Variants in CADM2 observed in about 807,000 individuals in gnomAD.
The protein encoded by CADM2 is cell adhesion molecule 2.
CADM2 carries 12 observed loss-of-function variants against 49.8 expected under a neutral mutation model. The ratio of observed to expected loss-of-function variants is 0.24; its 90% confidence interval spans 0.15 to 0.39. The LOEUF (loss-of-function observed/expected upper bound fraction) is 0.39. Among genes scored for constraint, CADM2 ranks in the 10% least tolerant of loss-of-function variants. The pLI, the probability that CADM2 is intolerant of heterozygous loss-of-function variation, is 1.00. For synonymous variants in CADM2, 214 were observed against 175.4 expected (o/e 1.22, Z -1.74); for missense variants, 378 against 492.3 (o/e 0.77, Z 2.20).
intron 1 of CADM2, among the ~76,000 whole-genome samples, chr3:85,404,481 C>T (rs1332519415): frequency 6.6e-6 from 1 of 151,946 alleles, no homozygotes; most frequent in East Asian, 1.9e-4. Context: ...TTTTCATAGC[C>T]TATGGTGGAA....
At chr3:85,944,700 C>A (rs1401176306) in intron 7 of CADM2, among the ~76,000 whole-genome samples, 1 of 151,918 alleles carries the variant, frequency 6.6e-6, no homozygotes, top group East Asian at 1.9e-4. Context: ...GAAATGAAGG[C>A]AGAAATAAAG....
At chr3:85,210,808 G>A (rs989337545) in intron 1 of CADM2, among the ~76,000 whole-genome samples, 1 of 152,122 alleles carries the variant, frequency 6.6e-6, no homozygotes, top group African/African-American at 2.4e-5. Flanking sequence ...TCCTAGAGTA[G>A]AAGATTACAG....
chr3:85,616,579 T>A (rs1316156371), intron 1 of CADM2, among the ~76,000 whole-genome samples: 1 of 152,136 alleles, frequency 6.6e-6, no homozygotes, highest in Non-Finnish European at 1.5e-5. Flanking sequence ...ACACAAAGTA[T>A]AACATATAAT....
At chr3:85,417,072 A>T (rs980776309) in intron 1 of CADM2, among the ~76,000 whole-genome samples, 1 of 152,092 alleles carries the variant, frequency 6.6e-6, no homozygotes, top group Non-Finnish European at 1.5e-5. Context: ...AAAATGTTCA[A>T]TTATGTAGCT....
intron 3 of CADM2, among the ~76,000 whole-genome samples, chr3:85,811,493 G>A (rs532397413): frequency 2.6e-4 from 40 of 152,102 alleles, no homozygotes; most frequent in African/African-American, 8.9e-4. Flanking sequence ...TGCAGTTATC[G>A]CAGCTCACTG....
chr3:85,107,922 G>A (rs6804768), intron 1 of CADM2, among the ~76,000 whole-genome samples: 1,780 of 151,770 alleles, frequency 0.012, 35 homozygotes, highest in African/African-American at 0.04. Context: ...GGCTGGTCTC[G>A]AACTCCTGAC....
intron 6 of CADM2, among the ~76,000 whole-genome samples, chr3:85,914,327 A>G (rs541965096): frequency 1.3e-5 from 2 of 152,096 alleles, no homozygotes; most frequent in Non-Finnish European, 2.9e-5. Context: ...TCCTGTGAGG[A>G]TGTGATGATA....
At chr3:85,172,588 T>A (rs1270251510) in intron 1 of CADM2, among the ~76,000 whole-genome samples, 1 of 151,964 alleles carries the variant, frequency 6.6e-6, no homozygotes, top group East Asian at 1.9e-4. Context: ...AAGCGTAGGA[T>A]GTGCAAGAAT....
At chr3:85,554,030 A>C (rs1431020168) in intron 1 of CADM2, among the ~76,000 whole-genome samples, 7 of 151,306 alleles carry the variant, frequency 4.6e-5, no homozygotes, top group Non-Finnish European at 4.4e-5. Context: ...AATTAATACT[A>C]CCCATGTTCC....
At chr3:85,892,510 A>C (rs1714592680) in intron 5 of CADM2, among the ~76,000 whole-genome samples, 1 of 152,084 alleles carries the variant, frequency 6.6e-6, no homozygotes, top group Non-Finnish European at 1.5e-5. Context: ...TGCTGTTCCC[A>C]TAATAGTGAA....
At chr3:85,231,626 T>C (rs1228752593) in intron 1 of CADM2, among the ~76,000 whole-genome samples, 1 of 151,336 alleles carries the variant, frequency 6.6e-6, no homozygotes, top group Non-Finnish European at 1.5e-5. Context: ...GAGATATAGA[T>C]GGATAGTTTT....
intron 2 of CADM2, among the ~76,000 whole-genome samples, chr3:85,778,882 A>G (rs1034280157): frequency 6.6e-6 from 1 of 152,156 alleles, no homozygotes; most frequent in African/African-American, 2.4e-5. Context: ...AATTTTAAAG[A>G]CACACTCTTC....
At chr3:85,477,259 CACACACACACACAT>C (rs1427581976) in intron 1 of CADM2, among the ~76,000 whole-genome samples, 1 of 150,736 alleles carries the variant, frequency 6.6e-6, no homozygotes, top group Non-Finnish European at 1.5e-5. Flanking sequence ...CACACACACA[CACACACACACACAT>C]ACAGACACGT....
intron 8 of CADM2, among the ~76,000 whole-genome samples, chr3:85,998,473 A>C (rs1559791263): frequency 6.6e-6 from 1 of 152,212 alleles, no homozygotes; most frequent in Non-Finnish European, 1.5e-5. Flanking sequence ...GACAGCAAAA[A>C]TATATAAAGA....
intron 1 of CADM2, among the ~76,000 whole-genome samples, chr3:85,582,681 C>T (rs188383935): frequency 4.6e-5 from 7 of 152,176 alleles, no homozygotes; most frequent in Admixed American, 2.6e-4. Context: ...AGAATTAACT[C>T]CCAAAGGCCC....
intron 3 of CADM2, among the ~76,000 whole-genome samples, chr3:85,816,101 T>C (rs1187007493): frequency 1.3e-5 from 2 of 151,518 alleles, no homozygotes; most frequent in East Asian, 3.9e-4. Context: ...ATTTAAAGTT[T>C]ACTGTTTAAC....
chr3:85,059,235 T>C (rs1172253598), intron 1 of CADM2, among the ~76,000 whole-genome samples: 1 of 151,314 alleles, frequency 6.6e-6, no homozygotes, highest in African/African-American at 2.4e-5. Flanking sequence ...AGAGACTATG[T>C]CTCAAAAAAT....
chr3:85,025,719 G>A (rs546003926), intron 1 of CADM2, among the ~76,000 whole-genome samples: 3 of 152,000 alleles, frequency 2.0e-5, no homozygotes, highest in African/African-American at 4.8e-5. Flanking sequence ...AATGACCGTC[G>A]TAGGTTATTT....
intron 1 of CADM2, among the ~76,000 whole-genome samples, chr3:85,636,807 A>G (rs895325772): frequency 2.6e-5 from 4 of 152,216 alleles, no homozygotes; most frequent in Admixed American, 2.0e-4. Context: ...CTTCAATACA[A>G]TAACATGCTG....
Sources: gnomAD v4.1 joint callset for allele counts (sites outside exome capture counted in the v4.1 genomes callset) on GRCh38, gnomAD v4.1.1 for gene constraint, MANE v1.5 for transcripts, NCBI Gene and HGNC (gene_info 2026-07-23, HGNC 2026-07-21) for gene names.